TMEM138: variants seen among roughly 807,000 people sequenced by gnomAD.
TMEM138 encodes the protein transmembrane protein 138.
In TMEM138, 9 loss-of-function variants were observed where a neutral mutation model predicts 18.1. That is an observed-to-expected ratio of 0.50 (90% confidence interval 0.30 to 0.87). The LOEUF (loss-of-function observed/expected upper bound fraction) is 0.87. Among genes scored for constraint, TMEM138 ranks in the 40% least tolerant of loss-of-function variants. TMEM138 has a pLI of 0.06. For synonymous variants in TMEM138, 79 were observed against 74.8 expected (o/e 1.06, Z -0.29); for missense variants, 189 against 190.6 (o/e 0.99, Z 0.05).
At chr11:61,363,169 G>C (rs888600813) in intron 1 of TMEM138, 1 of 152,408 alleles carries the variant, frequency 6.6e-6, no homozygotes, top group Non-Finnish European at 1.5e-5. Flanking sequence ...CCCGAGAGGC[G>C]GAGGTTGCAG....
downstream of TMEM138, among the ~76,000 whole-genome samples, chr11:61,375,317 C>CTTTT (rs71043758): frequency 2.6e-4 from 17 of 65,278 alleles, no homozygotes; most frequent in Middle Eastern, 9.6e-3. Context: ...TGTGAGTATT[C>CTTTT]TTTTTTTTTT....
At chr11:61,368,209 CTTTTTGTTTGTT>C in intron 4 of TMEM138, 1 of 677,518 alleles carries the variant, frequency 1.5e-6, no homozygotes, top group Non-Finnish European at 2.7e-6. Context: ...AGGTTCTGTT[CTTTTTGTTTGTT>C]TGTTTGTTTG....
Position 61,368,929 on chromosome 11 carries a change from G to C in TMEM138, c.*220G>C, listed in dbSNP as rs1858261246. The C allele has an allele frequency of 3.6e-6, 2 of 553,720 alleles. No homozygotes were observed. The highest frequency in any genetic ancestry group is 3.1e-5 in the East Asian group (1 of 32,382). 34.3% of individuals were successfully genotyped at this position (553,720 alleles called of 1,614,324 possible). ...CATCCCTTCCTTGCCTTCTACCTCT[G>C]TTCCACCCCCTTTCCTTCCTTTCCT... On this transcript the variant is annotated 3_prime_UTR_variant, in exon 5 of 5. Coordinates refer to ENST00000278826, the MANE Select transcript of TMEM138 (RefSeq NM_016464.5).
chr11:61,366,834 A>G (rs1308563807), intron 3 of TMEM138: 1 of 152,242 alleles, frequency 6.6e-6, no homozygotes, highest in Non-Finnish European at 1.5e-5. Context: ...CGTAGAGAAC[A>G]GGTGAAATGA....
downstream of TMEM138, among the ~76,000 whole-genome samples, chr11:61,369,738 G>A (rs969130138): frequency 6.6e-6 from 1 of 152,082 alleles, no homozygotes; most frequent in African/African-American, 2.4e-5. Flanking sequence ...CTGGCAGTTG[G>A]CTAGCCTTCA....
Position 61,367,939 on chromosome 11 carries a change from A to C in TMEM138, c.317A>C (p.Asn106Thr). ...HVWVMNLRWK[N>T]SNSFIWTDGL... Reference sequence around the variant, plus strand: ...CTCCTTCAGAACTTACGCTGGAAAAACTCCAACAGCTTCATATGGACAGAT... The same window carrying C: ...CTCCTTCAGAACTTACGCTGGAAAACCTCCAACAGCTTCATATGGACAGAT... The change falls in exon 4 of 5, where the codon AAC becomes ACC. Residue 106 changes from asparagine (N) to threonine (T), a missense_variant. Coordinates refer to ENST00000278826, the MANE Select transcript of TMEM138 (RefSeq NM_016464.5). 1 of 1,612,606 alleles carries C rather than the reference A, an allele frequency of 6.2e-7. No individual in the cohort carries two copies. The highest frequency in any genetic ancestry group is 2.2e-5 in the East Asian group (1 of 44,830).
In TMEM138 at chr11:61,364,532, GGC is replaced by G. The variant is rs1431816977; in HGVS notation, c.128+15_128+16del. The G allele has an allele frequency of 1.2e-6, 2 of 1,613,766 alleles. No individual in the cohort carries two copies. The highest frequency in any genetic ancestry group is 3.3e-5 in the Admixed American group (2 of 60,006). ...TGTGCTCTTCATGTGCGTGCAGTAA[GGC>G]ACTCTGGAAAGCTGAACCCACGCAA... On this transcript the variant is annotated intron_variant, in intron 2 of 4. Coordinates refer to ENST00000278826, the MANE Select transcript of TMEM138 (RefSeq NM_016464.5).
In TMEM138 at chr11:61,364,454, CTCTT is replaced by C; in HGVS notation, c.66_69del (p.Phe23SerfsTer61). ...GCAGTTCCTGCTGCTGTCCTATGAC[CTCTT>C]TGTCAATTCCTTCTCAGAACTGCTC... On this transcript the variant is annotated frameshift_variant, in exon 2 of 5. Coordinates refer to ENST00000278826, the MANE Select transcript of TMEM138 (RefSeq NM_016464.5). LOFTEE classifies it high-confidence loss of function. The C allele has an allele frequency of 6.2e-7, 1 of 1,614,248 alleles. No homozygotes were observed. The highest frequency in any genetic ancestry group is 1.6e-4 in the Middle Eastern group (1 of 6,062).
intron 3 of TMEM138, chr11:61,366,499 C>T (rs1171512908): frequency 2.2e-5 from 6 of 269,944 alleles, no homozygotes; most frequent in Admixed American, 5.4e-5. Context: ...GACAGAGTCT[C>T]GCTCTGTCGC....
Position 61,364,334 on chromosome 11 carries a change from G to T in TMEM138, c.-57G>T. ...CTCAGTGGTAGGGAGACAGCCAGGA[G>T]CGGTTTTCTGGGAACTGTGGGATGT... On this transcript the variant is annotated 5_prime_UTR_variant, in exon 2 of 5. Transcript: ENST00000278826. 1 of 1,598,510 alleles carries T rather than the reference G, an allele frequency of 6.3e-7. No individual in the cohort carries two copies. Among genetic ancestry groups the T allele is most frequent in the Non-Finnish European group, 8.5e-7 (1 of 1,170,726 alleles).
At chr11:61,364,770 C>A (rs922381931) in intron 2 of TMEM138, 10 of 338,694 alleles carry the variant, frequency 3.0e-5, no homozygotes, top group Non-Finnish European at 4.9e-5. Context: ...TGCCACACAC[C>A]TGTAATCGCA....
At chr11:61,374,519 AATT>A (rs771626244), downstream of TMEM138, among the ~76,000 whole-genome samples, 1 of 152,278 alleles carries the variant, frequency 6.6e-6, no homozygotes, top group Middle Eastern at 3.4e-3. Flanking sequence ...TGTTATGTTA[AATT>A]ATTATGTGCC....
At chr11:61,375,317 C>CTTTTTT (rs71043758), downstream of TMEM138, among the ~76,000 whole-genome samples, 12 of 65,306 alleles carry the variant, frequency 1.8e-4, no homozygotes, top group Admixed American at 4.2e-4. Context: ...TGTGAGTATT[C>CTTTTTT]TTTTTTTTTT....
At chr11:61,370,933 G>A (rs1383196161), downstream of TMEM138, among the ~76,000 whole-genome samples, 1 of 152,130 alleles carries the variant, frequency 6.6e-6, no homozygotes. Flanking sequence ...CTCAGCTGGG[G>A]GCCCCCAAAC....
Position 61,369,322 on chromosome 11 carries a change from A to G in TMEM138, c.*613A>G, listed in dbSNP as rs1424565618. ...AGATGGAGCCACAGATGAAATACAG[A>G]TCTTTGTTGAGATCCATTATGAGTA... On this transcript the variant is annotated 3_prime_UTR_variant, in exon 5 of 5. Transcript: ENST00000278826. The G allele has an allele frequency of 6.5e-6, 1 of 152,868 alleles. No individual in the cohort carries two copies. The highest frequency in any genetic ancestry group is 1.5e-5 in the Non-Finnish European group (1 of 68,546). 9.5% of individuals were successfully genotyped at this position (152,868 alleles called of 1,614,324 possible). A position where few individuals can be genotyped will look rare whatever the true frequency, so the allele number is the denominator to read the frequency against.
intron 3 of TMEM138, 59 bp downstream of exon 3, chr11:61,366,275 T>TGA: frequency 4.5e-6 from 7 of 1,551,028 alleles, no homozygotes; most frequent in Non-Finnish European, 6.1e-6. Context: ...GGTGGGGTCT[T>TGA]ACTTTGTTAC....
intron 4 of TMEM138, 168 bp from the exon 5 acceptor site, chr11:61,368,429 G>T: frequency 1.8e-6 from 1 of 566,178 alleles, no homozygotes; most frequent in Non-Finnish European, 3.2e-6. Flanking sequence ...GGGTTTCACC[G>T]TGTTAGCCAG....
Position 61,368,801 on chromosome 11 carries a change from G to C in TMEM138, c.*92G>C, listed in dbSNP as rs372997712. 122 of 941,440 alleles carry C rather than the reference G, an allele frequency of 1.3e-4. No homozygotes were observed. In the East Asian group the frequency reaches 1.5e-3, roughly 12 times the overall value. The allele number at this position is 941,440 out of a possible 1,614,324, so 58.3% of individuals were successfully genotyped here. A position where few individuals can be genotyped will look rare whatever the true frequency, so the allele number is the denominator to read the frequency against. ...AGTTGGCCCTATGCATGGGCAAACA[G>C]CTGGACTTTCCAAGGAAGGTTCAGA... On this transcript the variant is annotated 3_prime_UTR_variant, in exon 5 of 5. Transcript: ENST00000278826.
chr11:61,365,829 T>C, intron 2 of TMEM138: 1 of 492,210 alleles, frequency 2.0e-6, no homozygotes, highest in Non-Finnish European at 3.5e-6. Context: ...GACTATGGAC[T>C]GCAAACCCAA....
Sources: gnomAD v4.1 joint callset for allele counts (sites outside exome capture counted in the v4.1 genomes callset) on GRCh38, gnomAD v4.1.1 for gene constraint, MANE v1.5 for transcripts, NCBI Gene and HGNC (gene_info 2026-07-23, HGNC 2026-07-21) for gene names.